Variants in CHMP4B observed in about 807,000 individuals in gnomAD.
The protein encoded by CHMP4B is SNF7 homolog associated with Alix 1.
CHMP4B carries 1 observed loss-of-function variant against 25.1 expected under a neutral mutation model. The ratio of observed to expected loss-of-function variants is 0.04; its 90% CI spans 0.01 to 0.19. The LOEUF is 0.19. Ranked by LOEUF, CHMP4B falls within the 10% of genes least tolerant of loss-of-function variation. The probability of loss-of-function intolerance (pLI) is 1.00; values close to 1 mark genes in which losing one functional copy is unlikely to be tolerated. For missense variants in CHMP4B, 151 were observed against 289.7 expected (o/e 0.52, Z 3.48); for synonymous variants, 101 against 115.6 (o/e 0.87, Z 0.81).
chr20:33,826,013 T>C (rs901241377), intron 1 of CHMP4B, among the ~76,000 whole-genome samples: 2 of 152,202 alleles, frequency 1.3e-5, no homozygotes, highest in Non-Finnish European at 2.9e-5. Flanking sequence ...TTTGAGTGTT[T>C]ACTGTGAGAG....
chr20:33,846,038 C>T (rs573385876), intron 1 of CHMP4B, among the ~76,000 whole-genome samples: 4 of 152,288 alleles, frequency 2.6e-5, no homozygotes, highest in East Asian at 3.9e-4. Context: ...GCAAAGGAAT[C>T]GTTGGATTTG....
chr20:33,849,876 A>G (rs764555117), intron 2 of CHMP4B, among the ~76,000 whole-genome samples: 5 of 152,194 alleles, frequency 3.3e-5, no homozygotes, highest in Non-Finnish European at 5.9e-5. Flanking sequence ...CCTGGGCTCA[A>G]GCCATCCTCT....
Position 33,834,719 on chromosome 20 carries a change from C to T in CHMP4B, c.191-13748C>T, listed in dbSNP as rs981113176. On this transcript the variant is annotated intron_variant, in intron 1 of 4. Transcript: ENST00000217402. Reference sequence around the variant, plus strand: ...CCCATTTCATTTCTTCTTTGACCTACGGCTTATTTAGAAGTATATTATTTA... The same window carrying T: ...CCCATTTCATTTCTTCTTTGACCTATGGCTTATTTAGAAGTATATTATTTA... 2.0e-5 allele frequency among the ~76,000 whole-genome samples: 3 copies of T among 152,178 alleles called. No individual in the cohort carries two copies. The South Asian group carries it at 6.2e-4, about 31-fold the overall frequency.
In CHMP4B at chr20:33,816,686, A is replaced by T. The variant is rs539767582; in HGVS notation, c.190+5028A>T. On this transcript the variant is annotated intron_variant, in intron 1 of 4. Transcript: ENST00000217402. ...TTGGTAACTAGCTAAGGAAATATCT[A>T]CTCTAGATGGTTCAGATTTCCCTTT... Among the ~76,000 whole-genome samples, 13 of 152,320 alleles carry T rather than the reference A, an allele frequency of 8.5e-5. No homozygotes were observed. In the South Asian group the frequency reaches 2.7e-3, roughly 32 times the overall value.
intron 1 of CHMP4B, among the ~76,000 whole-genome samples, chr20:33,843,547 G>A (rs181306528): frequency 5.9e-4 from 90 of 152,220 alleles, no homozygotes; most frequent in Admixed American, 1.4e-3. Context: ...TAACCATCAG[G>A]AATCTGGAAA....
At position 33,843,473 on chromosome 20, in the gene CHMP4B, C is replaced by G. The variant is rs574674642; in HGVS notation, c.191-4994C>G. The stretch of plus-strand genomic sequence containing the variant: ...GCAGAAGATGGGTTTCTTTAGACAC[C>G]TCTTTTTTGAATATTTGATTTAGCT... On this transcript the variant is annotated intron_variant, in intron 1 of 4. Coordinates refer to ENST00000217402, the MANE Select transcript of CHMP4B (RefSeq NM_176812.5). Among the ~76,000 whole-genome samples, 4 of 152,288 alleles carry G rather than the reference C, an allele frequency of 2.6e-5. No individual in the cohort carries two copies. In the South Asian group the frequency reaches 8.3e-4, roughly 32 times the overall value.
intron 1 of CHMP4B, among the ~76,000 whole-genome samples, chr20:33,828,565 C>T (rs6057914): frequency 3.3e-5 from 5 of 152,126 alleles, no homozygotes; most frequent in African/African-American, 9.7e-5. Flanking sequence ...AATGTTGCGC[C>T]TACATTTCTG....
In CHMP4B at chr20:33,853,628, T is replaced by A; in HGVS notation, c.*68T>A. Reference sequence around the variant, plus strand: ...TGCGCAGCGAGCAGGCGTGTGCGTGTGTGGGGCAGGCAGGATGTGGTGCAG... The same window carrying A: ...TGCGCAGCGAGCAGGCGTGTGCGTGAGTGGGGCAGGCAGGATGTGGTGCAG... On this transcript the variant is annotated 3_prime_UTR_variant, in exon 5 of 5. Coordinates refer to ENST00000217402, the MANE Select transcript of CHMP4B (RefSeq NM_176812.5). 1 of 1,399,890 alleles carries A rather than the reference T, an allele frequency of 7.1e-7. No individual in the cohort carries two copies. The highest frequency in any genetic ancestry group is 1.2e-5 in the South Asian group (1 of 86,710). 86.7% of individuals were successfully genotyped at this position (1,399,890 alleles called of 1,614,324 possible).
chr20:33,824,166 C>T lies in CHMP4B; in HGVS notation c.190+12508C>T, dbSNP rs550592449. Among the ~76,000 whole-genome samples, 6 of 152,228 alleles carry T rather than the reference C, an allele frequency of 3.9e-5. No homozygotes were observed. The East Asian group carries it at 7.7e-4, about 20-fold the overall frequency. ...AATCTGGTTTTGAAACTCAGAGAAG[C>T]CTTATGTAGGGCAGATTATGGTTTT... is the stretch of plus-strand genomic sequence containing the variant. On this transcript the variant is annotated intron_variant, in intron 1 of 4. Transcript: ENST00000217402.
At chr20:33,833,695 T>C (rs1219868350) in intron 1 of CHMP4B, among the ~76,000 whole-genome samples, 1 of 152,222 alleles carries the variant, frequency 6.6e-6, no homozygotes, top group Non-Finnish European at 1.5e-5. Flanking sequence ...CTCCCCTATT[T>C]TCTCATGCCT....
intron 1 of CHMP4B, among the ~76,000 whole-genome samples, chr20:33,822,909 C>T (rs1187739894): frequency 2.6e-5 from 4 of 152,074 alleles, no homozygotes; most frequent in Non-Finnish European, 1.5e-5. Context: ...ATTCTCCTGC[C>T]TCAGCCTCCT....
chr20:33,844,193 A>G (rs989816991), intron 1 of CHMP4B, among the ~76,000 whole-genome samples: 1 of 152,212 alleles, frequency 6.6e-6, no homozygotes, highest in African/African-American at 2.4e-5. Context: ...GGAGGAATGC[A>G]GTGGAAAGAT....
chr20:33,853,849 T>C lies in CHMP4B; in HGVS notation c.*289T>C. On this transcript the variant is annotated 3_prime_UTR_variant, in exon 5 of 5. Transcript: ENST00000217402. ...CAAATCCAACATTGAGCTTCTGGAC[T>C]ACGCTGACTCCACTGCTGAATCCTC... is the stretch of plus-strand genomic sequence containing the variant. The C allele has an allele frequency of 2.0e-6, 1 of 491,574 alleles. No homozygotes were observed. The highest frequency in any genetic ancestry group is 3.7e-6 in the Non-Finnish European group (1 of 267,782). The allele number at this position is 491,574 out of a possible 1,614,324, so 30.5% of individuals were successfully genotyped here.
chr20:33,852,500 T>C (rs1432518635), intron 4 of CHMP4B, among the ~76,000 whole-genome samples: 2 of 151,382 alleles, frequency 1.3e-5, no homozygotes, highest in Non-Finnish European at 3.0e-5. Flanking sequence ...GGTTGTCCGG[T>C]GCACTGTGGA....
intron 1 of CHMP4B, among the ~76,000 whole-genome samples, chr20:33,820,278 A>G (rs989799758): frequency 2.6e-5 from 4 of 152,200 alleles, no homozygotes; most frequent in African/African-American, 7.2e-5. Flanking sequence ...GGTGGTTTGT[A>G]TGCCCATCAA....
At chr20:33,825,925 G>A (rs966495308) in intron 1 of CHMP4B, among the ~76,000 whole-genome samples, 13 of 152,180 alleles carry the variant, frequency 8.5e-5, no homozygotes, top group Non-Finnish European at 1.8e-4. Context: ...GCATCCTAGG[G>A]TGGAGCTGTT....
intron 1 of CHMP4B, among the ~76,000 whole-genome samples, chr20:33,832,695 T>C (rs1292364396): frequency 6.6e-5 from 10 of 152,112 alleles, no homozygotes; most frequent in Admixed American, 6.6e-4. Flanking sequence ...CTATGTATTC[T>C]CCTGAGACAC....
chr20:33,819,221 C>G (rs1445806709), intron 1 of CHMP4B, among the ~76,000 whole-genome samples: 1 of 152,086 alleles, frequency 6.6e-6, no homozygotes, highest in African/African-American at 2.4e-5. Flanking sequence ...CAGTGTTGCT[C>G]TTAAGGTGTG....
At chr20:33,848,939 G>A (rs1448825233) in intron 2 of CHMP4B, among the ~76,000 whole-genome samples, 1 of 152,174 alleles carries the variant, frequency 6.6e-6, no homozygotes, top group African/African-American at 2.4e-5. Context: ...GTGAAGGTGG[G>A]GAAGCTGTGT....
Sources: allele counts gnomAD v4.1 joint callset (sites outside exome capture counted in the v4.1 genomes callset), GRCh38; gene constraint gnomAD v4.1.1; transcripts MANE v1.5; gene names NCBI Gene and HGNC (gene_info 2026-07-23, HGNC 2026-07-21).